Variants in PDE1A observed in about 807,000 individuals in gnomAD.
The protein encoded by PDE1A is phosphodiesterase 1A, also known as dual specificity calcium/calmodulin-dependent 3',5'-cyclic nucleotide phosphodiesterase 1A.
Under a neutral mutation model 61.7 loss-of-function variants are expected in PDE1A, and 35 were observed. The ratio of observed to expected loss-of-function variants is 0.57; its 90% CI spans 0.43 to 0.75. The LOEUF (loss-of-function observed/expected upper bound fraction) is 0.75, where lower values mean the gene tolerates loss of function less well. Ranked by LOEUF, PDE1A falls within the 30% of genes least tolerant of loss-of-function variation. The pLI is 0.00. For synonymous variants in PDE1A, 232 were observed against 213.2 expected (o/e 1.09, Z -0.77); for missense variants, 597 against 630.6 (o/e 0.95, Z 0.57).
At chr2:182,457,135 C>G (rs1214994955) in intron 2 of PDE1A, among the ~76,000 whole-genome samples, 1 of 151,986 alleles carries the variant, frequency 6.6e-6, no homozygotes, top group African/African-American at 2.4e-5. Context: ...GAGGTGTGCT[C>G]CATCTCAAGA....
intron 2 of PDE1A, among the ~76,000 whole-genome samples, chr2:182,470,428 A>T (rs1348728972): frequency 1.3e-5 from 2 of 151,902 alleles, no homozygotes; most frequent in African/African-American, 2.4e-5. Context: ...ATATTAATTG[A>T]GCAGCTATTC....
chr2:182,328,755 C>A (rs578150929), intron 1 of PDE1A, among the ~76,000 whole-genome samples: 39 of 152,104 alleles, frequency 2.6e-4, no homozygotes, highest in Non-Finnish European at 4.9e-4. Flanking sequence ...CATGGGGGAA[C>A]CACCATGAAA....
chr2:182,383,952 G>A (rs776239760), intron 1 of PDE1A, among the ~76,000 whole-genome samples: 39 of 152,134 alleles, frequency 2.6e-4, no homozygotes, highest in Admixed American at 7.2e-4. Flanking sequence ...CTCATACTCC[G>A]TGATGGTACT....
At chr2:182,584,005 A>C in the PDE1A span, among the ~76,000 whole-genome samples, 9 of 152,354 alleles carry the variant, frequency 5.9e-5, no homozygotes, top group African/African-American at 1.9e-4. Context: ...TTTCCTGATA[A>C]GAAATCAGAG....
chr2:182,666,028 G>A, the PDE1A span, among the ~76,000 whole-genome samples: 4 of 152,104 alleles, frequency 2.6e-5, 1 homozygote, highest in Non-Finnish European at 5.9e-5. Context: ...AGAACGCATG[G>A]ACACAGGGAG....
At chr2:182,701,994 T>A in the PDE1A span, among the ~76,000 whole-genome samples, 62 of 152,160 alleles carry the variant, frequency 4.1e-4, no homozygotes, top group Non-Finnish European at 8.4e-4. Context: ...AGATTCTAGG[T>A]TTCTCTTAAA....
In PDE1A at chr2:182,459,998, T is replaced by C. The variant is rs957603087; in HGVS notation, c.101+62278A>G. Among the ~76,000 whole-genome samples, 4 of 152,312 alleles carry C rather than the reference T, an allele frequency of 2.6e-5. No homozygotes were observed. In the East Asian group the frequency reaches 5.8e-4, roughly 22 times the overall value. ...CTTAGCCACCTCAATCTCCATTCAC[T>C]GACAACTGCCAAGTCATCTTTTGTT... is the stretch of plus-strand genomic sequence containing the variant. On this transcript the variant is annotated intron_variant, in intron 2 of 14. Coordinates refer to the PDE1A transcript ENST00000410103.
intron 2 of PDE1A, among the ~76,000 whole-genome samples, chr2:182,469,035 T>C (rs753061322): frequency 3.3e-5 from 5 of 151,968 alleles, no homozygotes; most frequent in Admixed American, 3.3e-4. Context: ...AGAGTAGATG[T>C]AGCAAAATTC....
chr2:182,174,615 T>C (rs967596066), intron 13 of PDE1A, among the ~76,000 whole-genome samples: 4 of 152,146 alleles, frequency 2.6e-5, no homozygotes, highest in Admixed American at 2.6e-4. Flanking sequence ...GTTTTTAAGC[T>C]GGCTTGTATA....
intron 1 of PDE1A, among the ~76,000 whole-genome samples, chr2:182,389,387 G>A (rs186116606): frequency 3.1e-4 from 47 of 152,070 alleles, no homozygotes; most frequent in Admixed American, 5.9e-4. Context: ...CAAAATATAC[G>A]AGGTATACAA....
the PDE1A span, among the ~76,000 whole-genome samples, chr2:182,694,813 GA>G: frequency 3.4e-5 from 3 of 87,574 alleles, no homozygotes; most frequent in South Asian, 5.2e-4. Context: ...TTACATAGAG[GA>G]AAAAAAAAGG....
intron 1 of PDE1A, among the ~76,000 whole-genome samples, chr2:182,289,606 T>C (rs1694394424): frequency 6.6e-6 from 1 of 152,118 alleles, no homozygotes; most frequent in Non-Finnish European, 1.5e-5. Context: ...AGAGGGGCCC[T>C]TTTAGCTTTT....
At chr2:182,340,904 T>A (rs566853570) in intron 1 of PDE1A, among the ~76,000 whole-genome samples, 1 of 152,310 alleles carries the variant, frequency 6.6e-6, no homozygotes, top group Non-Finnish European at 1.5e-5. Flanking sequence ...TTCTCATTTG[T>A]AAAATGGAGA....
At chr2:182,382,601 A>C (rs1700798736) in intron 1 of PDE1A, among the ~76,000 whole-genome samples, 1 of 152,190 alleles carries the variant, frequency 6.6e-6, no homozygotes, top group Non-Finnish European at 1.5e-5. Flanking sequence ...TTTCACTAAT[A>C]AATAGGTGTC....
chr2:182,557,799 C>G, the PDE1A span, among the ~76,000 whole-genome samples: 1 of 151,956 alleles, frequency 6.6e-6, no homozygotes, highest in Non-Finnish European at 1.5e-5. Flanking sequence ...ATTCAGAAAA[C>G]AACTTTTAGT....
the PDE1A span, among the ~76,000 whole-genome samples, chr2:182,553,076 G>A: frequency 1.3e-5 from 2 of 152,288 alleles, no homozygotes; most frequent in East Asian, 1.9e-4. Context: ...CATCCTAATC[G>A]AGCTAAACAC....
chr2:182,602,215 CT>C, the PDE1A span, among the ~76,000 whole-genome samples: 1 of 152,162 alleles, frequency 6.6e-6, no homozygotes, highest in Non-Finnish European at 1.5e-5. Context: ...ATGCGTGAGT[CT>C]GCAGCCACGG....
chr2:182,542,743 T>C, the PDE1A span, among the ~76,000 whole-genome samples: 1 of 152,200 alleles, frequency 6.6e-6, no homozygotes, highest in Non-Finnish European at 1.5e-5. Context: ...TTGGTTAAGA[T>C]GTCCAACTGG....
At chr2:182,684,374 A>C in the PDE1A span, among the ~76,000 whole-genome samples, 1 of 152,180 alleles carries the variant, frequency 6.6e-6, no homozygotes, top group Non-Finnish European at 1.5e-5. Context: ...AGCTGAGAAA[A>C]AATAAGCTAC....
Sources: gnomAD v4.1 joint callset for allele counts (sites outside exome capture counted in the v4.1 genomes callset) on GRCh38, gnomAD v4.1.1 for gene constraint, MANE v1.5 for transcripts, NCBI Gene and HGNC (gene_info 2026-07-23, HGNC 2026-07-21) for gene names.